DAB1: variants seen among roughly 807,000 people sequenced by gnomAD.
DAB1 encodes the protein disabled homolog 1.
DAB1 carries 15 observed loss-of-function variants against 64.6 expected under a neutral mutation model. The observed-to-expected ratio is 0.23, with a 90% CI of 0.16 to 0.36. The LOEUF is 0.36. Ranked by LOEUF, DAB1 falls within the 10% of genes least tolerant of loss-of-function variation. The pLI is 1.00. For missense variants in DAB1, 596 were observed against 706.7 expected (o/e 0.84, Z 1.78); for synonymous variants, 235 against 251.9 (o/e 0.93, Z 0.64).
chr1:57,965,938 C>CGG lies in DAB1; in HGVS notation n.388-81778_388-81777dup, dbSNP rs138067877. Among the ~76,000 whole-genome samples the CGG allele has an allele frequency of 4.3e-3, 649 of 151,002 alleles. 5 individuals carry two copies. The highest frequency in any genetic ancestry group is 0.015 in the African/African-American group (606 of 41,076). Reference sequence around the variant, plus strand: ...ATTCAGTGTCATCATCTTTAAATGGCGGGGGGGGAGAGGAAATCTGATAAA... The same window carrying CGG: ...ATTCAGTGTCATCATCTTTAAATGGCGGGGGGGGGGAGAGGAAATCTGATAAA... On this transcript the variant is annotated intron_variant and non_coding_transcript_variant, in intron 5 of 20. Coordinates refer to the DAB1 transcript ENST00000485760.
At chr1:57,632,669 AAT>A (rs1344653746) in intron 7 of DAB1, among the ~76,000 whole-genome samples, 1 of 152,192 alleles carries the variant, frequency 6.6e-6, no homozygotes, top group Non-Finnish European at 1.5e-5. Context: ...AGGAGAATGG[AAT>A]TCTCACTCAT....
intron 5 of DAB1, among the ~76,000 whole-genome samples, chr1:57,998,479 C>G (rs1288558034): frequency 6.6e-6 from 1 of 151,150 alleles, no homozygotes; most frequent in East Asian, 2.0e-4. Flanking sequence ...TTCTCCTGCC[C>G]CAGCCTCTTG....
intron 9 of DAB1, among the ~76,000 whole-genome samples, chr1:57,030,090 C>T (rs1367324039): frequency 6.6e-6 from 1 of 152,062 alleles, no homozygotes; most frequent in Non-Finnish European, 1.5e-5. Flanking sequence ...GTGGGAGGGA[C>T]CCAGGGGGAG....
intron 5 of DAB1, among the ~76,000 whole-genome samples, chr1:57,899,863 C>T (rs1435441507): frequency 6.6e-6 from 1 of 151,902 alleles, no homozygotes; most frequent in Non-Finnish European, 1.5e-5. Context: ...TCAGTGGCTG[C>T]TCAGGAAACT....
rs537672686 is a variant in DAB1 at position 58,055,766 on chromosome 1, G to A, written n.387+94745C>T. Among the ~76,000 whole-genome samples the A allele has an allele frequency of 5.3e-5, 8 of 152,104 alleles. No individual in the cohort carries two copies. In the South Asian group the frequency reaches 8.3e-4, roughly 16 times the overall value. On this transcript the variant is annotated intron_variant and non_coding_transcript_variant, in intron 5 of 20. Coordinates refer to the DAB1 transcript ENST00000485760. ...GTCACCCAGGCTGGAGTGCAGTGGC[G>A]TCATCTCGGCTCACTGCAACCTCTG...
At chr1:57,921,918 G>T (rs1644813275) in intron 5 of DAB1, among the ~76,000 whole-genome samples, 1 of 152,148 alleles carries the variant, frequency 6.6e-6, no homozygotes, top group African/African-American at 2.4e-5. Flanking sequence ...TTCTGCTCCA[G>T]CTACACCGGC....
rs555564597 is a variant in DAB1, at chr1:57,516,044, T to G, written n.625+133548A>C. Among the ~76,000 whole-genome samples the G allele has an allele frequency of 5.3e-5, 8 of 152,342 alleles. No individual in the cohort carries two copies. In the East Asian group the frequency reaches 1.4e-3, roughly 26 times the overall value. On this transcript the variant is annotated intron_variant and non_coding_transcript_variant, in intron 7 of 20. Transcript: ENST00000485760. ...TCATTTCACGTGTATAGACTCTTTCTTCCTCCAAAAAGGATGTAAGATAGG... is the reference window on the plus strand; with the variant it reads ...TCATTTCACGTGTATAGACTCTTTCGTCCTCCAAAAAGGATGTAAGATAGG...
chr1:57,842,294 C>T (rs1353045176), intron 1 of DAB1, among the ~76,000 whole-genome samples: 1 of 152,206 alleles, frequency 6.6e-6, no homozygotes, highest in Non-Finnish European at 1.5e-5. Flanking sequence ...CCACTATCAG[C>T]ATTTTGGTCA....
chr1:58,033,634 T>C (rs1197967398), intron 5 of DAB1, among the ~76,000 whole-genome samples: 2 of 152,242 alleles, frequency 1.3e-5, no homozygotes, highest in Non-Finnish European at 2.9e-5. Flanking sequence ...AAGGTAGTGA[T>C]ACTATTTTTA....
At chr1:57,454,881 C>G (rs1391779124) in intron 7 of DAB1, among the ~76,000 whole-genome samples, 2 of 151,644 alleles carry the variant, frequency 1.3e-5, no homozygotes, top group Admixed American at 6.6e-5. Flanking sequence ...TCTCTATCTT[C>G]AAAAAAATAT....
At chr1:57,098,124 G>T (rs1477206858) in intron 4 of DAB1, among the ~76,000 whole-genome samples, 1 of 152,102 alleles carries the variant, frequency 6.6e-6, no homozygotes, top group African/African-American at 2.4e-5. Flanking sequence ...ACTTCACAGA[G>T]TTGATAAACC....
intron 11 of DAB1, among the ~76,000 whole-genome samples, chr1:57,016,564 C>G (rs962906544): frequency 6.6e-6 from 1 of 151,450 alleles, no homozygotes; most frequent in Non-Finnish European, 1.5e-5. Flanking sequence ...GCACTTCAGC[C>G]TGGGTAATAG....
intron 7 of DAB1, among the ~76,000 whole-genome samples, chr1:57,529,666 C>A (rs1644637701): frequency 6.6e-6 from 1 of 152,036 alleles, no homozygotes; most frequent in Non-Finnish European, 1.5e-5. Context: ...AAGGTCAATT[C>A]ATCAGGAAGC....
chr1:57,534,585 C>T (rs17115939), intron 7 of DAB1, among the ~76,000 whole-genome samples: 3,296 of 152,272 alleles, frequency 0.022, 133 homozygotes, highest in African/African-American at 0.075. Flanking sequence ...GGAGAGCCCA[C>T]GCTGTGAAGT....
chr1:57,152,065 C>T (rs938744330), intron 2 of DAB1, among the ~76,000 whole-genome samples: 4 of 152,142 alleles, frequency 2.6e-5, no homozygotes, highest in East Asian at 1.9e-4. Flanking sequence ...CTGCCTGCCT[C>T]GGCCTCCCGA....
At chr1:57,005,241 T>C (rs1443884854) in intron 14 of DAB1, among the ~76,000 whole-genome samples, 1 of 152,178 alleles carries the variant, frequency 6.6e-6, no homozygotes, top group East Asian at 1.9e-4. Flanking sequence ...ACAACAATGA[T>C]GGGCATCAAT....
intron 7 of DAB1, among the ~76,000 whole-genome samples, chr1:57,626,535 G>A (rs554829843): frequency 1.1e-4 from 17 of 152,318 alleles, no homozygotes; most frequent in African/African-American, 3.8e-4. Context: ...AGCCATGGAG[G>A]GGGTGAGTGG....
intron 7 of DAB1, among the ~76,000 whole-genome samples, chr1:57,627,734 G>C (rs761889629): frequency 1.1e-4 from 16 of 152,204 alleles, no homozygotes; most frequent in Non-Finnish European, 2.2e-4. Flanking sequence ...ACCAAAACCT[G>C]ACTCCATAGC....
At chr1:58,376,274 G>T (rs1644324619) in intron 3 of DAB1, among the ~76,000 whole-genome samples, 1 of 141,816 alleles carries the variant, frequency 7.1e-6, no homozygotes, top group African/African-American at 2.6e-5. Flanking sequence ...TGATGTTAGG[G>T]TGTCAATTTT....
Sources: gnomAD v4.1 joint callset for allele counts (sites outside exome capture counted in the v4.1 genomes callset) on GRCh38, gnomAD v4.1.1 for gene constraint, MANE v1.5 for transcripts, NCBI Gene and HGNC (gene_info 2026-07-23, HGNC 2026-07-21) for gene names.